The following AGBL1 variants were observed in gnomAD, a reference collection of about 807,000 sequenced individuals.
The protein encoded by AGBL1 is AGBL carboxypeptidase 1, also known as cytosolic carboxypeptidase 4.
Under a neutral mutation model 118.9 loss-of-function variants are expected in AGBL1, and 130 were observed. That is an observed-to-expected ratio of 1.09 (90% CI 0.95 to 1.26). AGBL1 has a LOEUF of 1.26. Among genes scored for constraint, AGBL1 ranks in the 50% most tolerant of loss-of-function variants. AGBL1 has a pLI of 0.00. For synonymous variants in AGBL1, 555 were observed against 478.9 expected (o/e 1.16, Z -2.08); for missense variants, 1,584 against 1,298.1 (o/e 1.22, Z -3.38).
At chr15:86,290,333 T>A (rs1405944413) in intron 16 of AGBL1, among the ~76,000 whole-genome samples, 3 of 142,552 alleles carry the variant, frequency 2.1e-5, no homozygotes, top group Non-Finnish European at 3.1e-5. Flanking sequence ...TTCAAGTCCT[T>A]CTTTTCTTTC....
intron 22 of AGBL1, among the ~76,000 whole-genome samples, chr15:86,772,122 A>G (rs55842301): frequency 0.12 from 18,126 of 151,962 alleles, 1,243 homozygotes; most frequent in East Asian, 0.25. Context: ...CAGTCTGCCC[A>G]GCATCTCCTT....
At chr15:86,821,412 T>G (rs1298816216) in intron 22 of AGBL1, among the ~76,000 whole-genome samples, 1 of 152,146 alleles carries the variant, frequency 6.6e-6, no homozygotes, top group African/African-American at 2.4e-5. Context: ...AGGCTAAGAA[T>G]ACATTTATTC....
At chr15:86,799,525 C>G (rs1225125627) in intron 22 of AGBL1, among the ~76,000 whole-genome samples, 2 of 152,018 alleles carry the variant, frequency 1.3e-5, no homozygotes. Context: ...CTTAACACTC[C>G]TTCTCACTCA....
At chr15:86,636,741 A>ATC (rs2085098654) in intron 21 of AGBL1, among the ~76,000 whole-genome samples, 1 of 60,300 alleles carries the variant, frequency 1.7e-5, no homozygotes, top group African/African-American at 8.9e-5. Flanking sequence ...ATATATATAT[A>ATC]TATATATATA....
At chr15:86,148,232 G>T (rs1044580987) in intron 3 of AGBL1, among the ~76,000 whole-genome samples, 2 of 152,190 alleles carry the variant, frequency 1.3e-5, no homozygotes, top group Non-Finnish European at 2.9e-5. Flanking sequence ...TCTTCCAAAG[G>T]ATTGCAGCTC....
intron 22 of AGBL1, among the ~76,000 whole-genome samples, chr15:86,683,996 T>C (rs966943301): frequency 6.6e-6 from 1 of 152,152 alleles, no homozygotes; most frequent in African/African-American, 2.4e-5. Flanking sequence ...GCTAGTCCTT[T>C]AGGTCAAAGC....
chr15:86,801,121 T>G (rs1161716644), intron 22 of AGBL1, among the ~76,000 whole-genome samples: 5 of 152,070 alleles, frequency 3.3e-5, no homozygotes, highest in African/African-American at 1.2e-4. Flanking sequence ...AAAATGATCC[T>G]TACATTCACC....
At chr15:86,821,774 A>G (rs1214365241) in intron 22 of AGBL1, among the ~76,000 whole-genome samples, 2 of 152,154 alleles carry the variant, frequency 1.3e-5, no homozygotes, top group Non-Finnish European at 2.9e-5. Flanking sequence ...TCTTAAATCA[A>G]TCCTCTGAGG....
intron 5 of AGBL1, among the ~76,000 whole-genome samples, chr15:86,222,258 A>G (rs1192177974): frequency 6.6e-6 from 1 of 152,180 alleles, no homozygotes; most frequent in East Asian, 1.9e-4. Context: ...TTCCAGCAGC[A>G]TTCCAAACAG....
At chr15:86,669,387 T>C (rs1160196391) in intron 21 of AGBL1, among the ~76,000 whole-genome samples, 2 of 151,616 alleles carry the variant, frequency 1.3e-5, no homozygotes. Flanking sequence ...AACAAAGAAA[T>C]AGAAAATAAG....
At chr15:86,452,779 C>T (rs1294252565) in intron 18 of AGBL1, among the ~76,000 whole-genome samples, 1 of 152,150 alleles carries the variant, frequency 6.6e-6, no homozygotes, top group African/African-American at 2.4e-5. Context: ...CCCACCCTTG[C>T]TATTTCTGCC....
At chr15:86,996,340 G>T (rs2141751636) in intron 24 of AGBL1, among the ~76,000 whole-genome samples, 1 of 152,218 alleles carries the variant, frequency 6.6e-6, no homozygotes, top group African/African-American at 2.4e-5. Flanking sequence ...CCCCTCCCAA[G>T]GAAGTCAACT....
chr15:86,857,952 T>C (rs1454293642), intron 22 of AGBL1, among the ~76,000 whole-genome samples: 1 of 152,250 alleles, frequency 6.6e-6, no homozygotes, highest in Non-Finnish European at 1.5e-5. Flanking sequence ...CTTGGCACTG[T>C]AGTTTTGGGC....
At chr15:86,194,918 T>G (rs75942892) in intron 5 of AGBL1, among the ~76,000 whole-genome samples, 1 of 152,200 alleles carries the variant, frequency 6.6e-6, no homozygotes, top group Non-Finnish European at 1.5e-5. Flanking sequence ...ACTGTAGAAC[T>G]TGATACAAAT....
At chr15:86,819,831 C>G (rs551547563) in intron 22 of AGBL1, among the ~76,000 whole-genome samples, 3 of 152,190 alleles carry the variant, frequency 2.0e-5, no homozygotes, top group Non-Finnish European at 4.4e-5. Context: ...CCCATATAGC[C>G]AAGACAATCC....
At chr15:86,444,747 C>G (rs1441568281) in intron 18 of AGBL1, among the ~76,000 whole-genome samples, 1 of 152,158 alleles carries the variant, frequency 6.6e-6, no homozygotes, top group East Asian at 1.9e-4. Context: ...CCAGCCCAGC[C>G]CTTTGCAGTC....
intron 16 of AGBL1, among the ~76,000 whole-genome samples, chr15:86,287,396 C>T (rs2079471322): frequency 6.6e-6 from 1 of 152,012 alleles, no homozygotes; most frequent in Non-Finnish European, 1.5e-5. Flanking sequence ...TTTGTCTGTG[C>T]TCTTGGGGTC....
intron 17 of AGBL1, among the ~76,000 whole-genome samples, chr15:86,338,458 A>C (rs150491811): frequency 1.7e-3 from 255 of 152,176 alleles, no homozygotes; most frequent in Middle Eastern, 0.014. Flanking sequence ...TTGAGGTAGA[A>C]GAGTGATACG....
intron 17 of AGBL1, among the ~76,000 whole-genome samples, chr15:86,331,563 A>G (rs1042676864): frequency 6.6e-6 from 1 of 152,222 alleles, no homozygotes; most frequent in African/African-American, 2.4e-5. Context: ...AAAAGGTCAG[A>G]TTGCATACAT....
Sources: allele counts gnomAD v4.1 joint callset (sites outside exome capture counted in the v4.1 genomes callset), GRCh38; gene constraint gnomAD v4.1.1; transcripts MANE v1.5; gene names NCBI Gene and HGNC (gene_info 2026-07-23, HGNC 2026-07-21).